The following RPL28 variants were observed in gnomAD, a reference collection of about 807,000 sequenced individuals.
RPL28 encodes the protein large ribosomal subunit protein eL28.
RPL28 carries 4 observed loss-of-function variants against 12.5 expected under a neutral mutation model. That is an observed-to-expected ratio of 0.32 (90% CI 0.16 to 0.73). RPL28 has a LOEUF of 0.73. Among genes scored for constraint, RPL28 ranks in the 30% least tolerant of loss-of-function variants. The pLI, the probability that RPL28 is intolerant of heterozygous loss-of-function variation, is 0.66. For synonymous variants in RPL28, 91 were observed against 72.5 expected (o/e 1.26, Z -1.30); for missense variants, 214 against 197.7 (o/e 1.08, Z -0.49).
chr19:55,403,211 G>C, exon 5 of RPL28: 3 of 636,756 alleles, frequency 4.7e-6, no homozygotes, highest in Non-Finnish European at 8.5e-6. Flanking sequence ...ACTGGTTTAT[G>C]AACCCTATCG....
At chr19:55,395,210 C>A (rs1009702203), downstream of RPL28, among the ~76,000 whole-genome samples, 11 of 152,064 alleles carry the variant, frequency 7.2e-5, no homozygotes, top group Non-Finnish European at 1.6e-4. Flanking sequence ...GATCTCGGCT[C>A]ACTACAACCT....
chr19:55,400,299 G>A (rs541872311), intron 4 of RPL28: 13 of 152,344 alleles, frequency 8.5e-5, no homozygotes, highest in African/African-American at 2.9e-4. Flanking sequence ...TTACAGGCGT[G>A]AGCCATTGCG....
intron 4 of RPL28, among the ~76,000 whole-genome samples, chr19:55,397,522 G>A (rs1196751009): frequency 3.3e-5 from 5 of 152,132 alleles, no homozygotes; most frequent in Admixed American, 3.3e-4. Flanking sequence ...TGGGACTACA[G>A]GCGCCCGCCA....
In RPL28 at chr19:55,391,773, T is replaced by C. The variant is rs752966211; in HGVS notation, c.*3441T>C. The C allele has an allele frequency of 7.1e-7, 1 of 1,417,572 alleles. No homozygotes were observed. Among genetic ancestry groups the C allele is most frequent in the South Asian group, 1.3e-5 (1 of 76,122 alleles). The allele number at this position is 1,417,572 out of a possible 1,614,324, so 87.8% of individuals were successfully genotyped here. On this transcript the variant is annotated 3_prime_UTR_variant, in exon 5 of 5. Transcript: ENST00000344063. ...ATAAATTAATGACTTTTTATAAATA[T>C]TTTGATCAGATGGACTCATGATCAC... is the stretch of plus-strand genomic sequence containing the variant.
At position 55,390,488 on chromosome 19, in the gene RPL28, C is replaced by T. The variant is rs567943034; in HGVS notation, c.*2156C>T. On this transcript the variant is annotated 3_prime_UTR_variant, in exon 5 of 5. Coordinates refer to ENST00000344063, the MANE Select transcript of RPL28 (RefSeq NM_000991.5). ...CCAAAGTGCTGGCATTACAGGCGCTCGAGGCTTTCTGATGTGGCTGCTGCT... is the reference window on the plus strand; with the variant it reads ...CCAAAGTGCTGGCATTACAGGCGCTTGAGGCTTTCTGATGTGGCTGCTGCT... The T allele has an allele frequency of 2.1e-5, 21 of 985,358 alleles. No homozygotes were observed. The Admixed American group carries it at 9.2e-4, about 43-fold the overall frequency. 61.0% of individuals were successfully genotyped at this position (985,358 alleles called of 1,614,324 possible).
rs1289632708 is a variant in RPL28 at position 55,389,136 on chromosome 19, T to A, written c.*804T>A. 4 of 985,258 alleles carry A rather than the reference T, an allele frequency of 4.1e-6. No homozygotes were observed. The highest frequency in any genetic ancestry group is 4.8e-6 in the Non-Finnish European group (4 of 829,880). The allele number at this position is 985,258 out of a possible 1,614,324, so 61.0% of individuals were successfully genotyped here. A position where few individuals can be genotyped will look rare whatever the true frequency, so the allele number is the denominator to read the frequency against. ...TTTGCTCCCTAGTGTTTATTACAGC[T>A]TGTGAGGCCAGGAGTTTGAGACCAT... On this transcript the variant is annotated 3_prime_UTR_variant, in exon 5 of 5. Coordinates refer to ENST00000344063, the MANE Select transcript of RPL28 (RefSeq NM_000991.5).
chr19:55,386,183 C>CT (rs1280625562), intron 1 of RPL28, 167 bp from the exon 2 acceptor site: 1 of 637,244 alleles, frequency 1.6e-6, no homozygotes, highest in Non-Finnish European at 2.7e-6. Flanking sequence ...CCTTAGGTCA[C>CT]TCAGTCCCGC....
At chr19:55,386,066 G>A in intron 1 of RPL28, 101 bp downstream of exon 1, 1 of 411,160 alleles carries the variant, frequency 2.4e-6, no homozygotes, top group Non-Finnish European at 4.6e-6. Flanking sequence ...AAGGGTCATT[G>A]GCGGACCCCA....
intron 3 of RPL28, chr19:55,387,106 T>A: frequency 2.2e-6 from 3 of 1,356,540 alleles, no homozygotes; most frequent in Non-Finnish European, 3.0e-6. Flanking sequence ...TTGCAGCCAT[T>A]TGATTCCCAT....
Position 55,391,418 on chromosome 19 carries a change from A to G in RPL28, c.*3086A>G. On this transcript the variant is annotated 3_prime_UTR_variant, in exon 5 of 5. Coordinates refer to ENST00000344063, the MANE Select transcript of RPL28 (RefSeq NM_000991.5). ...GTTCACTGCTGTCTCTCCAGCTCTT[A>G]GTCCAGTAGCTGCATGGTGAGTGAG... is the stretch of plus-strand genomic sequence containing the variant. 8.4e-6 allele frequency: 11 copies of G among 1,305,834 alleles called. No homozygotes were observed. The highest frequency in any genetic ancestry group is 1.1e-5 in the Non-Finnish European group (11 of 1,022,908). The allele number at this position is 1,305,834 out of a possible 1,614,324, so 80.9% of individuals were successfully genotyped here.
rs149824413 is a variant in RPL28 at position 55,389,635 on chromosome 19, C to G, written c.*1303C>G. 2 of 985,518 alleles carry G rather than the reference C, an allele frequency of 2.0e-6. No homozygotes were observed. Among genetic ancestry groups the G allele is most frequent in the African/African-American group, 1.7e-5 (1 of 57,358 alleles). 61.0% of individuals were successfully genotyped at this position (985,518 alleles called of 1,614,324 possible). The stretch of plus-strand genomic sequence containing the variant: ...GTTTTGAGGCAGACCACTGCCCTTC[C>G]GACCTCAGTCCTGTCTGCTCCAGTC... On this transcript the variant is annotated 3_prime_UTR_variant, in exon 5 of 5. Coordinates refer to ENST00000344063, the MANE Select transcript of RPL28 (RefSeq NM_000991.5).
chr19:55,391,843 C>T lies in RPL28; in HGVS notation c.*3511C>T. 7.2e-7 allele frequency: 1 copy of T among 1,395,430 alleles called. No individual in the cohort carries two copies. The highest frequency in any genetic ancestry group is 2.7e-5 in the East Asian group (1 of 37,454). The allele number at this position is 1,395,430 out of a possible 1,614,324, so 86.4% of individuals were successfully genotyped here. Reference sequence around the variant, plus strand: ...TGACTAATTTGTACACAAACTAATGCTCGTGTTTCCCAAGCACCTGGAAGA... The same window carrying T: ...TGACTAATTTGTACACAAACTAATGTTCGTGTTTCCCAAGCACCTGGAAGA... On this transcript the variant is annotated 3_prime_UTR_variant, in exon 5 of 5. Transcript: ENST00000344063.
chr19:55,400,482 A>G, intron 4 of RPL28: 1 of 152,226 alleles, frequency 6.6e-6, no homozygotes, highest in East Asian at 1.9e-4. Context: ...TGATTTAGTC[A>G]TTATCACTTA....
rs2089977043 is a variant in RPL28 at position 55,390,164 on chromosome 19, C to T, written c.*1832C>T. The stretch of plus-strand genomic sequence containing the variant: ...ATAATGAGATGCTTGATGAATGGTG[C>T]ATATTGAATGTATAAAGCCCACCGG... On this transcript the variant is annotated 3_prime_UTR_variant, in exon 5 of 5. Transcript: ENST00000344063. 3.0e-6 allele frequency: 3 copies of T among 985,318 alleles called. No individual in the cohort carries two copies. In the African/African-American group the frequency reaches 5.2e-5, roughly 17 times the overall value. The allele number at this position is 985,318 out of a possible 1,614,324, so 61.0% of individuals were successfully genotyped here. A position where few individuals can be genotyped will look rare whatever the true frequency, so the allele number is the denominator to read the frequency against.
intron 4 of RPL28, among the ~76,000 whole-genome samples, chr19:55,397,662 G>T (rs1444738429): frequency 2.6e-5 from 4 of 152,022 alleles, no homozygotes; most frequent in African/African-American, 4.8e-5. Context: ...TTATAGGTGA[G>T]CCACCGCGCC....
chr19:55,395,739 A>T (rs140115938), downstream of RPL28, among the ~76,000 whole-genome samples: 4 of 152,034 alleles, frequency 2.6e-5, no homozygotes, highest in African/African-American at 4.8e-5. Flanking sequence ...CACCGCGCCC[A>T]GCCTCTTTTT....
chr19:55,401,943 C>T (rs2090062735), intron 4 of RPL28, among the ~76,000 whole-genome samples: 1 of 152,212 alleles, frequency 6.6e-6, no homozygotes, highest in Non-Finnish European at 1.5e-5. Context: ...AGGCCACCTT[C>T]ATGTGACCTG....
rs1470172733 is a variant in RPL28, at chr19:55,390,985, A to T, written c.*2653A>T. The T allele has an allele frequency of 2.0e-6, 2 of 984,172 alleles. No individual in the cohort carries two copies. The highest frequency in any genetic ancestry group is 2.4e-6 in the Non-Finnish European group (2 of 828,836). The allele number at this position is 984,172 out of a possible 1,614,324, so 61.0% of individuals were successfully genotyped here. ...AAACCAGTTAAACCAAAAACATGAT[A>T]TTAAGAAAACAGGCAGGCTCACCAT... On this transcript the variant is annotated 3_prime_UTR_variant, in exon 5 of 5. Coordinates refer to ENST00000344063, the MANE Select transcript of RPL28 (RefSeq NM_000991.5).
At chr19:55,397,639 CA>C (rs2123300365) in intron 4 of RPL28, among the ~76,000 whole-genome samples, 1 of 152,174 alleles carries the variant, frequency 6.6e-6, no homozygotes, top group East Asian at 1.9e-4. Flanking sequence ...CTCGACCTCC[CA>C]AAGTGCTGGG....
Sources: gnomAD v4.1 joint callset for allele counts (sites outside exome capture counted in the v4.1 genomes callset) on GRCh38, gnomAD v4.1.1 for gene constraint, MANE v1.5 for transcripts, NCBI Gene and HGNC (gene_info 2026-07-23, HGNC 2026-07-21) for gene names.